Variants in LRRTM3 observed in about 807,000 individuals in gnomAD.
LRRTM3 encodes the protein leucine rich repeat transmembrane neuronal 3.
LRRTM3 carries 24 observed loss-of-function variants against 44.7 expected under a neutral mutation model. The observed-to-expected ratio is 0.54, with a 90% CI of 0.39 to 0.76. The LOEUF is 0.76. Among genes scored for constraint, LRRTM3 ranks in the 30% least tolerant of loss-of-function variants. The pLI is 0.00. For synonymous variants in LRRTM3, 277 were observed against 278.7 expected, an observed-to-expected ratio of 0.99 and a Z score of 0.06; for missense variants, 587 against 702.2, an observed-to-expected ratio of 0.84 and a Z score of 1.85.
chr10:67,068,852 G>A (rs1449551181), intron 2 of LRRTM3, among the ~76,000 whole-genome samples: 3 of 152,300 alleles, frequency 2.0e-5, no homozygotes, highest in South Asian at 4.1e-4. Flanking sequence ...CTGAGGTCAG[G>A]AGTTCAAGAC....
intron 2 of LRRTM3, among the ~76,000 whole-genome samples, chr10:66,992,881 T>C (rs1001403765): frequency 2.6e-5 from 4 of 152,226 alleles, no homozygotes; most frequent in Admixed American, 2.0e-4. Flanking sequence ...TTTGAGGCTT[T>C]GTATCCTCTT....
At chr10:67,067,491 GT>G (rs993428788) in intron 2 of LRRTM3, among the ~76,000 whole-genome samples, 4 of 152,148 alleles carry the variant, frequency 2.6e-5, no homozygotes, top group Non-Finnish European at 5.9e-5. Context: ...AGTCCACAAA[GT>G]TTGGCAGGTT....
intron 2 of LRRTM3, among the ~76,000 whole-genome samples, chr10:67,031,610 A>G (rs529316654): frequency 1.1e-3 from 162 of 152,352 alleles, no homozygotes; most frequent in Non-Finnish European, 1.8e-3. Flanking sequence ...AAGTCAGGTT[A>G]TTAGAACTTA....
chr10:67,001,910 C>G (rs1331307103), intron 2 of LRRTM3, among the ~76,000 whole-genome samples: 2 of 152,132 alleles, frequency 1.3e-5, no homozygotes, highest in East Asian at 3.9e-4. Flanking sequence ...TTGCTACAAC[C>G]AGGCATTTCT....
intron 2 of LRRTM3, among the ~76,000 whole-genome samples, chr10:66,945,692 CT>C (rs1200845115): frequency 1.3e-5 from 2 of 152,094 alleles, no homozygotes; most frequent in Non-Finnish European, 2.9e-5. Flanking sequence ...TTCAACATGC[CT>C]TCCTCATTAA....
At chr10:67,022,202 A>C (rs1853062400) in intron 2 of LRRTM3, among the ~76,000 whole-genome samples, 1 of 152,182 alleles carries the variant, frequency 6.6e-6, no homozygotes, top group Admixed American at 6.5e-5. Context: ...ATGGAGCAAC[A>C]CTTCCAATAT....
chr10:66,960,754 G>A (rs1295648226), intron 2 of LRRTM3, among the ~76,000 whole-genome samples: 3 of 152,146 alleles, frequency 2.0e-5, no homozygotes, highest in African/African-American at 4.8e-5. Context: ...GAATGGCATA[G>A]GATCTATGGT....
chr10:66,989,960 C>T (rs1436291395), intron 2 of LRRTM3, among the ~76,000 whole-genome samples: 1 of 152,118 alleles, frequency 6.6e-6, no homozygotes, highest in African/African-American at 2.4e-5. Context: ...ATTAAGATAG[C>T]CACCTCAATA....
intron 2 of LRRTM3, among the ~76,000 whole-genome samples, chr10:67,022,178 A>G (rs1853061190): frequency 6.6e-6 from 1 of 152,212 alleles, no homozygotes. Flanking sequence ...AGAGAAGACA[A>G]CTTTGGAAAG....
chr10:66,943,050 A>C (rs948612985), intron 2 of LRRTM3, among the ~76,000 whole-genome samples: 6 of 152,318 alleles, frequency 3.9e-5, no homozygotes, highest in Non-Finnish European at 8.8e-5. Flanking sequence ...AGTCACATTA[A>C]TAGGAAAAGC....
intron 2 of LRRTM3, among the ~76,000 whole-genome samples, chr10:66,990,195 G>A (rs1412619819): frequency 6.6e-6 from 1 of 152,076 alleles, no homozygotes; most frequent in Non-Finnish European, 1.5e-5. Flanking sequence ...ACCAAGTCAG[G>A]TTCTCTTCCA....
At chr10:67,009,563 G>A (rs1383146717) in intron 2 of LRRTM3, among the ~76,000 whole-genome samples, 1 of 151,660 alleles carries the variant, frequency 6.6e-6, no homozygotes, top group Non-Finnish European at 1.5e-5. Flanking sequence ...ATCATATCTA[G>A]TATAATTTCC....
At chr10:66,960,522 C>A (rs1849051819) in intron 2 of LRRTM3, among the ~76,000 whole-genome samples, 2 of 152,068 alleles carry the variant, frequency 1.3e-5, no homozygotes, top group African/African-American at 4.8e-5. Context: ...GATCTTTTCT[C>A]AGATAATATG....
intron 2 of LRRTM3, among the ~76,000 whole-genome samples, chr10:67,045,738 C>G (rs561133064): frequency 1.3e-5 from 2 of 152,110 alleles, no homozygotes; most frequent in Admixed American, 6.6e-5. Context: ...GCCAAGGCCC[C>G]CCTCTGTTTT....
At chr10:67,078,209 T>A (rs1226178526) in intron 2 of LRRTM3, among the ~76,000 whole-genome samples, 1 of 152,166 alleles carries the variant, frequency 6.6e-6, no homozygotes. Context: ...TCAGTAAACA[T>A]CCTCAAATGG....
intron 2 of LRRTM3, among the ~76,000 whole-genome samples, chr10:66,930,750 A>G (rs1847334849): frequency 6.6e-6 from 1 of 152,188 alleles, no homozygotes; most frequent in Non-Finnish European, 1.5e-5. Flanking sequence ...TAAATGAATC[A>G]CCAATATTTT....
intron 2 of LRRTM3, among the ~76,000 whole-genome samples, chr10:67,032,086 G>A (rs897933774): frequency 1.3e-5 from 2 of 152,004 alleles, no homozygotes; most frequent in African/African-American, 4.8e-5. Flanking sequence ...TCATATTTTA[G>A]CTCATGAAAT....
At chr10:66,976,269 A>G (rs1850024055) in intron 2 of LRRTM3, among the ~76,000 whole-genome samples, 1 of 152,192 alleles carries the variant, frequency 6.6e-6, no homozygotes, top group African/African-American at 2.4e-5. Context: ...CGGCACTAAT[A>G]TAGGGAATCA....
At chr10:67,080,874 A>G (rs892088530) in intron 2 of LRRTM3, among the ~76,000 whole-genome samples, 11 of 151,378 alleles carry the variant, frequency 7.3e-5, no homozygotes, top group African/African-American at 2.4e-4. Flanking sequence ...TGGCCACTGC[A>G]CTCCAGCCTG....
Sources: gnomAD v4.1 joint callset for allele counts (sites outside exome capture counted in the v4.1 genomes callset) on GRCh38, gnomAD v4.1.1 for gene constraint, MANE v1.5 for transcripts, NCBI Gene and HGNC (gene_info 2026-07-23, HGNC 2026-07-21) for gene names.